GALNTL6: variants seen among roughly 807,000 people sequenced by gnomAD.
GALNTL6 encodes the protein polypeptide N-acetylgalactosaminyltransferase-like 6.
GALNTL6 carries 46 observed loss-of-function variants against 73.7 expected under a neutral mutation model. The ratio of observed to expected loss-of-function variants is 0.62; its 90% confidence interval spans 0.49 to 0.80. GALNTL6 has a LOEUF of 0.80. GALNTL6 is among the 30% of genes least tolerant of loss of function. GALNTL6 has a pLI of 0.00. For missense variants in GALNTL6, 604 were observed against 755.0 expected, an observed-to-expected ratio of 0.80 and a Z score of 2.34; for synonymous variants, 259 against 263.7, an observed-to-expected ratio of 0.98 and a Z score of 0.17.
chr4:173,030,298 A>G (rs545830055), intron 12 of GALNTL6, among the ~76,000 whole-genome samples: 2 of 152,276 alleles, frequency 1.3e-5, no homozygotes, highest in South Asian at 4.1e-4. Context: ...AATTAATTCT[A>G]TCTTCCCATC....
At chr4:171,958,225 T>G (rs757874015) in intron 2 of GALNTL6, among the ~76,000 whole-genome samples, 11 of 152,156 alleles carry the variant, frequency 7.2e-5, no homozygotes, top group Non-Finnish European at 1.3e-4. Flanking sequence ...GAAAATATAA[T>G]CTTTTGTGTG....
At chr4:172,331,317 T>TC (rs1239911126) in intron 4 of GALNTL6, among the ~76,000 whole-genome samples, 4 of 152,092 alleles carry the variant, frequency 2.6e-5, no homozygotes, top group African/African-American at 9.7e-5. Flanking sequence ...TTTCACTCTG[T>TC]CACCCAGGCT....
chr4:171,849,922 T>C, intron 2 of GALNTL6, among the ~76,000 whole-genome samples: 1 of 152,198 alleles, frequency 6.6e-6, no homozygotes, highest in East Asian at 1.9e-4. Context: ...CACATGCTCA[T>C]TGAATAAATG....
chr4:172,133,688 AG>A (rs1291889636), intron 2 of GALNTL6, among the ~76,000 whole-genome samples: 1 of 152,242 alleles, frequency 6.6e-6, no homozygotes. Context: ...TTGGATAACC[AG>A]GGCTTCTTTA....
intron 5 of GALNTL6, among the ~76,000 whole-genome samples, chr4:172,714,851 A>C (rs1056403145): frequency 6.6e-6 from 1 of 152,182 alleles, no homozygotes; most frequent in Non-Finnish European, 1.5e-5. Flanking sequence ...CTTGCCACTC[A>C]TGCATTTTAA....
chr4:172,086,261 A>T (rs1026390956), intron 2 of GALNTL6, among the ~76,000 whole-genome samples: 1 of 152,138 alleles, frequency 6.6e-6, no homozygotes, highest in African/African-American at 2.4e-5. Flanking sequence ...ATAATTATAC[A>T]TGAAGATCTA....
chr4:171,918,231 A>G (rs1471480259), intron 2 of GALNTL6, among the ~76,000 whole-genome samples: 1 of 152,148 alleles, frequency 6.6e-6, no homozygotes. Context: ...ATAAAAATGA[A>G]TCAAATGATG....
At chr4:172,638,332 G>T (rs1489558747) in intron 5 of GALNTL6, among the ~76,000 whole-genome samples, 1 of 152,104 alleles carries the variant, frequency 6.6e-6, no homozygotes, top group African/African-American at 2.4e-5. Context: ...CTGTAAATAT[G>T]TCAAAAGCAC....
Position 172,498,264 on chromosome 4 carries a change from A to C in GALNTL6, c.553+149575A>C, listed in dbSNP as rs1734139724. Among the ~76,000 whole-genome samples the C allele has an allele frequency of 2.0e-5, 3 of 152,094 alleles. No individual in the cohort carries two copies. The South Asian group carries it at 6.2e-4, about 31-fold the overall frequency. ...CAACCTCCCAAAGTGCTGGGATTAT[A>C]GGCATGAGCCACCGCACCCAGCTGA... On this transcript the variant is annotated intron_variant, in intron 5 of 12. Coordinates refer to ENST00000506823, the MANE Select transcript of GALNTL6 (RefSeq NM_001034845.3).
chr4:173,003,836 C>T (rs772070030), intron 10 of GALNTL6, among the ~76,000 whole-genome samples: 5 of 152,200 alleles, frequency 3.3e-5, no homozygotes, highest in Non-Finnish European at 5.9e-5. Flanking sequence ...CTACCAAGTG[C>T]TCCAAGCCCA....
chr4:172,699,097 TG>T (rs990111073), intron 5 of GALNTL6, among the ~76,000 whole-genome samples: 5 of 152,148 alleles, frequency 3.3e-5, no homozygotes, highest in African/African-American at 1.2e-4. Context: ...TGCTTCCACA[TG>T]GTGGAAGGGG....
At chr4:172,090,037 T>A (rs987997730) in intron 2 of GALNTL6, among the ~76,000 whole-genome samples, 3 of 152,236 alleles carry the variant, frequency 2.0e-5, no homozygotes, top group Non-Finnish European at 2.9e-5. Flanking sequence ...GAACTCATCC[T>A]TTTTATGGCT....
intron 5 of GALNTL6, among the ~76,000 whole-genome samples, chr4:172,646,691 G>A (rs900002788): frequency 3.3e-5 from 5 of 151,802 alleles, no homozygotes; most frequent in Non-Finnish European, 7.4e-5. Flanking sequence ...TCTTTATAAA[G>A]ACTTTCAAAT....
At chr4:172,363,464 C>CAGAGTGGTTGTGGGTATTA (rs1225612241) in intron 5 of GALNTL6, among the ~76,000 whole-genome samples, 3 of 152,142 alleles carry the variant, frequency 2.0e-5, no homozygotes, top group Non-Finnish European at 4.4e-5. Context: ...AATAATCTCA[C>CAGAGTGGTTGTGGGTATTA]AGAGTGGTTG....
At chr4:172,878,637 G>A (rs1456376301) in intron 7 of GALNTL6, among the ~76,000 whole-genome samples, 1 of 151,432 alleles carries the variant, frequency 6.6e-6, no homozygotes, top group Non-Finnish European at 1.5e-5. Context: ...GAAACAAGGA[G>A]TTTTTTTATG....
At chr4:171,828,621 G>GTTGT (rs1338534644) in intron 2 of GALNTL6, among the ~76,000 whole-genome samples, 1 of 151,926 alleles carries the variant, frequency 6.6e-6, no homozygotes, top group Non-Finnish European at 1.5e-5. Context: ...TGCCTTTTTT[G>GTTGT]TTGTTTGTTT....
rs138618463 is a variant in GALNTL6, at chr4:172,271,606, A to G, written c.248-40008A>G. On this transcript the variant is annotated intron_variant, in intron 3 of 12. Transcript: ENST00000506823. ...TTTATAGGTTTATATATACACACCT[A>G]TATATAGGTCTATATGTGTATATTT... Among the ~76,000 whole-genome samples the G allele has an allele frequency of 2.3e-3, 355 of 152,246 alleles. 4 individuals carry two copies. Among genetic ancestry groups the G allele is most frequent in the African/African-American group, 8.2e-3 (342 of 41,580 alleles).
Position 172,931,277 on chromosome 4 carries a change from C to G in GALNTL6, c.1149+9C>G. 6.7e-7 allele frequency: 1 copy of G among 1,486,848 alleles called. No individual in the cohort carries two copies. Among genetic ancestry groups the G allele is most frequent in the Non-Finnish European group, 9.4e-7 (1 of 1,063,858 alleles). 92.1% of individuals were successfully genotyped at this position (1,486,848 alleles called of 1,614,324 possible). A position where few individuals can be genotyped will look rare whatever the true frequency, so the allele number is the denominator to read the frequency against. On this transcript the variant is annotated intron_variant, in intron 9 of 12. Transcript: ENST00000506823. Reference sequence around the variant, plus strand: ...GGACAAGCCTGGCAAGAGTGAGTAACTCAGCATCAGAACAGACTGGGGTTG... The same window carrying G: ...GGACAAGCCTGGCAAGAGTGAGTAAGTCAGCATCAGAACAGACTGGGGTTG...
intron 6 of GALNTL6, among the ~76,000 whole-genome samples, chr4:172,811,778 T>C (rs1337968057): frequency 6.6e-6 from 1 of 152,202 alleles, no homozygotes; most frequent in African/African-American, 2.4e-5. Flanking sequence ...TCCAGTATCC[T>C]GCATTCCCCT....
Sources: gnomAD v4.1 joint callset for allele counts (sites outside exome capture counted in the v4.1 genomes callset) on GRCh38, gnomAD v4.1.1 for gene constraint, MANE v1.5 for transcripts, NCBI Gene and HGNC (gene_info 2026-07-23, HGNC 2026-07-21) for gene names.